Variants in BRIP1 observed in about 807,000 individuals in gnomAD.
BRIP1 encodes Fanconi anemia group J protein.
In BRIP1, 88 loss-of-function variants were observed where a neutral mutation model predicts 119.7. The ratio of observed to expected loss-of-function variants is 0.74; its 90% CI spans 0.62 to 0.88. The LOEUF is 0.88. BRIP1 is among the 40% of genes least tolerant of loss of function. The probability of loss-of-function intolerance (pLI) is 0.00; values close to 1 mark genes in which losing one functional copy is unlikely to be tolerated. For missense variants in BRIP1, 1,259 were observed against 1,455.4 expected (o/e 0.87, Z 2.20); for synonymous variants, 443 against 496.5 (o/e 0.89, Z 1.43).
In BRIP1 at chr17:61,802,688, T is replaced by G. The variant is rs565497220; in HGVS notation, c.919-1214A>C. On this transcript the variant is annotated intron_variant, in intron 7 of 19. Coordinates refer to ENST00000259008, the MANE Select transcript of BRIP1 (RefSeq NM_032043.3). The surrounding 1 kb of genome is among the most constrained non-coding windows in gnomAD (Gnocchi z 6.0). ...TGCCATAGCTGATGAACCAGTTTTC[T>G]TATTACTGGGCTTATAGACTGTTAC... Among the ~76,000 whole-genome samples, 1 of 152,342 alleles carries G rather than the reference T, an allele frequency of 6.6e-6. No homozygotes were observed. Among genetic ancestry groups the G allele is most frequent in the South Asian group, 2.1e-4 (1 of 4,828 alleles).
chr17:61,715,797 A>G (rs1388118446), intron 17 of BRIP1, among the ~76,000 whole-genome samples, 154 bp downstream of exon 17: 1 of 152,160 alleles, frequency 6.6e-6, no homozygotes, highest in East Asian at 1.9e-4. Flanking sequence ...TTCAAATTCT[A>G]CTTGTGACAG....
At position 61,823,757 on chromosome 17, in the gene BRIP1, A is replaced by AAC. The variant is rs144749656; in HGVS notation, c.628-15002_628-15001dup. 0.15 allele frequency among the ~76,000 whole-genome samples: 19,862 copies of AAC among 131,514 alleles called. 1,516 individuals carry two copies. The highest frequency in any genetic ancestry group is 0.4 in the East Asian group (1,950 of 4,890). 86.3% of individuals were successfully genotyped at this position (131,514 alleles called of 152,430 possible). A position where few individuals can be genotyped will look rare whatever the true frequency, so the allele number is the denominator to read the frequency against. On this transcript the variant is annotated intron_variant, in intron 6 of 19. Coordinates refer to ENST00000259008, the MANE Select transcript of BRIP1 (RefSeq NM_032043.3). The surrounding 1 kb of genome is among the most constrained non-coding windows in gnomAD (Gnocchi z 4.8). ...GCTCAATGACCCCAAGCACACAATA[A>AAC]ACACACACACACACACACACACACA...
chr17:61,757,721 C>T lies in BRIP1; in HGVS notation c.2098-13130G>A, dbSNP rs1294543578. Among the ~76,000 whole-genome samples, 1 of 151,974 alleles carries T rather than the reference C, an allele frequency of 6.6e-6. No individual in the cohort carries two copies. Among genetic ancestry groups the T allele is most frequent in the African/African-American group, 2.4e-5 (1 of 41,388 alleles). On this transcript the variant is annotated intron_variant, in intron 14 of 19. Transcript: ENST00000259008. This position sits in a 1 kb window ranked among gnomAD's most constrained non-coding sequence, Gnocchi z 4.3. The stretch of plus-strand genomic sequence containing the variant: ...CATGTGAAAAGAAAACAATAAAAGC[C>T]AGACGCGGTGGCTCACACCTGTAAT...
At chr17:61,694,962 ATG>A (rs2061500520) in intron 17 of BRIP1, among the ~76,000 whole-genome samples, 1 of 150,898 alleles carries the variant, frequency 6.6e-6, no homozygotes, top group Non-Finnish European at 1.5e-5. Flanking sequence ...TTTTCTCCAT[ATG>A]TGAGTTGTCT....
At chr17:61,772,156 ATT>A (rs2077457982) in intron 14 of BRIP1, among the ~76,000 whole-genome samples, 2 of 87,786 alleles carry the variant, frequency 2.3e-5, no homozygotes, top group African/African-American at 4.6e-5. Context: ...CAAATGTGAG[ATT>A]ATATATATAT....
intron 6 of BRIP1, among the ~76,000 whole-genome samples, chr17:61,835,390 A>C (rs528096354): frequency 6.6e-6 from 1 of 152,120 alleles, no homozygotes; most frequent in East Asian, 1.9e-4. Flanking sequence ...AACTGTAATA[A>C]GTTTAAATAT....
In BRIP1 at chr17:61,751,083, T is replaced by C. The variant is rs892554568; in HGVS notation, c.2098-6492A>G. ...CCAATAACCAAATAGTGGAAACAAC[T>C]CAAGTGTCAATCAACAGATGAATAA... On this transcript the variant is annotated intron_variant, in intron 14 of 19. Transcript: ENST00000259008. This position sits in a 1 kb window ranked among gnomAD's most constrained non-coding sequence, Gnocchi z 6.7. Among the ~76,000 whole-genome samples the C allele has an allele frequency of 2.6e-5, 4 of 152,104 alleles. No homozygotes were observed. The highest frequency in any genetic ancestry group is 4.8e-5 in the African/African-American group (2 of 41,404).
At position 61,743,756 on chromosome 17, in the gene BRIP1, C is replaced by G. The variant is rs1049932774; in HGVS notation, c.2258-622G>C. ...AGGCTGGAGTGCAGTGGCACAATCA[C>G]AGCTCACTGCAGCCTTGACCTCCTG... On this transcript the variant is annotated intron_variant, in intron 15 of 19. Transcript: ENST00000259008. The surrounding 1 kb of genome is among the most constrained non-coding windows in gnomAD (Gnocchi z 4.3). Among the ~76,000 whole-genome samples the G allele has an allele frequency of 6.6e-6, 1 of 152,144 alleles. No individual in the cohort carries two copies. The highest frequency in any genetic ancestry group is 1.5e-5 in the Non-Finnish European group (1 of 68,014).
intron 17 of BRIP1, among the ~76,000 whole-genome samples, chr17:61,714,907 T>C (rs1455224379): frequency 1.3e-5 from 2 of 149,938 alleles, no homozygotes; most frequent in Non-Finnish European, 3.0e-5. Context: ...GCTCAAGCGA[T>C]CCTCCTACCT....
rs1410824647 is a variant in BRIP1 at position 61,722,059 on chromosome 17, T to C, written c.2380-5996A>G. 6.6e-6 allele frequency among the ~76,000 whole-genome samples: 1 copy of C among 150,942 alleles called. No individual in the cohort carries two copies. Among genetic ancestry groups the C allele is most frequent in the Non-Finnish European group, 1.5e-5 (1 of 67,792 alleles). ...TGCTTTTTTTTTTTTTCTTTTTTTT[T>C]GAGACGGAGTCTTGCTCAATCACCC... is the stretch of plus-strand genomic sequence containing the variant. On this transcript the variant is annotated intron_variant, in intron 16 of 19. Coordinates refer to ENST00000259008, the MANE Select transcript of BRIP1 (RefSeq NM_032043.3). This position sits in a 1 kb window ranked among gnomAD's most constrained non-coding sequence, Gnocchi z 4.6.
intron 6 of BRIP1, among the ~76,000 whole-genome samples, chr17:61,811,883 C>T (rs568710284): frequency 5.9e-5 from 9 of 152,030 alleles, no homozygotes; most frequent in African/African-American, 2.2e-4. Context: ...ACCAGGGAGA[C>T]GGAGGTTACA....
rs1163861003 is a variant in BRIP1, at chr17:61,827,607, T to C, written c.628-18850A>G. ...AGCCAGGCGTGGGGGCACACACCTG[T>C]AATCCCAGCTATTCGGGAGGCTGAG... On this transcript the variant is annotated intron_variant, in intron 6 of 19. Coordinates refer to ENST00000259008, the MANE Select transcript of BRIP1 (RefSeq NM_032043.3). The surrounding 1 kb of genome is among the most constrained non-coding windows in gnomAD (Gnocchi z 5.8). Among the ~76,000 whole-genome samples the C allele has an allele frequency of 6.6e-6, 1 of 152,078 alleles. No individual in the cohort carries two copies. Among genetic ancestry groups the C allele is most frequent in the Non-Finnish European group, 1.5e-5 (1 of 68,016 alleles).
chr17:61,768,163 AAAGT>A lies in BRIP1; in HGVS notation c.2097+8234_2097+8237del, dbSNP rs2077398262. Among the ~76,000 whole-genome samples the A allele has an allele frequency of 6.6e-6, 1 of 152,218 alleles. No homozygotes were observed. The highest frequency in any genetic ancestry group is 1.5e-5 in the Non-Finnish European group (1 of 68,034). ...CAGGACTTAGTGCAGTCCTCCGCAC[AAAGT>A]ATGTACTCAATAATGATTTCTTCAA... is the stretch of plus-strand genomic sequence containing the variant. On this transcript the variant is annotated intron_variant, in intron 14 of 19. Coordinates refer to ENST00000259008, the MANE Select transcript of BRIP1 (RefSeq NM_032043.3). The surrounding 1 kb of genome is among the most constrained non-coding windows in gnomAD (Gnocchi z 5.0).
Position 61,814,445 on chromosome 17 carries a change from G to A in BRIP1, c.628-5688C>T, listed in dbSNP as rs991439547. 1.3e-5 allele frequency among the ~76,000 whole-genome samples: 2 copies of A among 151,944 alleles called. No individual in the cohort carries two copies. Among genetic ancestry groups the A allele is most frequent in the Non-Finnish European group, 2.9e-5 (2 of 67,884 alleles). ...AAACCCTACAGAAAACCAAGAACAG[G>A]CAAATCACAGAAGAGAAAAGCTGAA... On this transcript the variant is annotated intron_variant, in intron 6 of 19. Transcript: ENST00000259008. This position sits in a 1 kb window ranked among gnomAD's most constrained non-coding sequence, Gnocchi z 4.9.
chr17:61,857,729 C>T lies in BRIP1; in HGVS notation c.206-498G>A, dbSNP rs1245802730. ...ACAGAGCAAGACTCTGTTTCAAAAA[C>T]CAAAACAAAAACATTTATAGGGAAA... On this transcript the variant is annotated intron_variant, in intron 3 of 19. Coordinates refer to ENST00000259008, the MANE Select transcript of BRIP1 (RefSeq NM_032043.3). This position sits in a 1 kb window ranked among gnomAD's most constrained non-coding sequence, Gnocchi z 5.1. Among the ~76,000 whole-genome samples, 2 of 151,882 alleles carry T rather than the reference C, an allele frequency of 1.3e-5. No individual in the cohort carries two copies. The highest frequency in any genetic ancestry group is 2.9e-5 in the Non-Finnish European group (2 of 67,932).
intron 6 of BRIP1, among the ~76,000 whole-genome samples, chr17:61,837,522 A>G: frequency 6.6e-6 from 1 of 152,284 alleles, no homozygotes; most frequent in South Asian, 2.1e-4. Context: ...AAGTATATAA[A>G]GAATGTTAGC....
chr17:61,784,534 A>G, intron 10 of BRIP1, 110 bp from the exon 11 acceptor site: 1 of 1,001,096 alleles, frequency 1.0e-6, no homozygotes, highest in Non-Finnish European at 1.5e-6. Context: ...ATTTTAGGTG[A>G]ACAGAATTGC....
intron 17 of BRIP1, among the ~76,000 whole-genome samples, chr17:61,696,754 G>C (rs2061527580): frequency 6.6e-6 from 1 of 151,238 alleles, no homozygotes; most frequent in Non-Finnish European, 1.5e-5. Flanking sequence ...GGGAGGCCAA[G>C]GTGGGCAGAT....
rs1404196194 is a variant in BRIP1 at position 61,751,644 on chromosome 17, A to T, written c.2098-7053T>A. Among the ~76,000 whole-genome samples, 2 of 152,318 alleles carry T rather than the reference A, an allele frequency of 1.3e-5. No homozygotes were observed. The highest frequency in any genetic ancestry group is 1.3e-4 in the Admixed American group (2 of 15,296). ...AAAAATGCAAATACAGATAGATAACAAATATGATTTCATTTATATAAAGTT... is the reference window on the plus strand; with the variant it reads ...AAAAATGCAAATACAGATAGATAACTAATATGATTTCATTTATATAAAGTT... On this transcript the variant is annotated intron_variant, in intron 14 of 19. Transcript: ENST00000259008. The surrounding 1 kb of genome is among the most constrained non-coding windows in gnomAD (Gnocchi z 6.7).
Sources: gnomAD v4.1 joint callset for allele counts (sites outside exome capture counted in the v4.1 genomes callset) on GRCh38, gnomAD v4.1.1 for gene constraint, Gnocchi (gnomAD v3.1) non-coding constraint, MANE v1.5 for transcripts, NCBI Gene and HGNC (gene_info 2026-07-23, HGNC 2026-07-21) for gene names.